The following SNX29 variants were observed in gnomAD, a reference collection of about 807,000 sequenced individuals.
SNX29 encodes sorting nexin-29.
A neutral mutation model predicts 102.1 loss-of-function variants in SNX29; 78 were observed. The ratio of observed to expected loss-of-function variants is 0.76; its 90% CI spans 0.64 to 0.92. SNX29 has a LOEUF of 0.92. SNX29 is among the 40% of genes least tolerant of loss of function. The pLI is 0.00. For synonymous variants in SNX29, 580 were observed against 414.5 expected (o/e 1.40, Z -4.85); for missense variants, 1,280 against 1,061.7 (o/e 1.21, Z -2.86).
chr16:12,162,129 G>A (rs1047978006), intron 13 of SNX29, among the ~76,000 whole-genome samples: 2 of 152,102 alleles, frequency 1.3e-5, no homozygotes, highest in Non-Finnish European at 2.9e-5. Context: ...CACCAGGCTT[G>A]TTCCAACTGG....
At chr16:12,333,894 G>C (rs1357594126) in intron 15 of SNX29, among the ~76,000 whole-genome samples, 3 of 152,166 alleles carry the variant, frequency 2.0e-5, no homozygotes, top group Non-Finnish European at 4.4e-5. Flanking sequence ...AGGTGTGGCT[G>C]CCAGGCAGAT....
At chr16:12,408,922 T>C (rs1167658506) in intron 18 of SNX29, among the ~76,000 whole-genome samples, 2 of 152,242 alleles carry the variant, frequency 1.3e-5, no homozygotes, top group Admixed American at 1.3e-4. Context: ...AATCTGGAAT[T>C]ATATTTGGCA....
At chr16:12,485,070 G>A (rs1321694719) in intron 19 of SNX29, among the ~76,000 whole-genome samples, 1 of 152,212 alleles carries the variant, frequency 6.6e-6, no homozygotes, top group East Asian at 1.9e-4. Context: ...CTGGGTGTTG[G>A]CACACATTCA....
intron 20 of SNX29, among the ~76,000 whole-genome samples, chr16:12,563,232 C>T (rs542045653): frequency 1.1e-3 from 166 of 152,184 alleles, no homozygotes; most frequent in African/African-American, 3.3e-3. Context: ...TGAAAGTGGC[C>T]TCCCCATCAT....
rs17819147 is a variant in SNX29 at position 12,372,250 on chromosome 16, T to C, written c.1899+15971T>C. 5.4e-3 allele frequency among the ~76,000 whole-genome samples: 827 copies of C among 152,244 alleles called. 11 individuals are homozygous for C. The highest frequency in any genetic ancestry group is 0.014 in the Middle Eastern group (4 of 294). On this transcript the variant is annotated intron_variant, in intron 16 of 20. Transcript: ENST00000566228. ...TCTTCAGTCATGAATATATGTCGAC[T>C]TCCTCCTCTTTCACACTCTTCCAAA...
At chr16:12,432,976 G>A (rs1222001067) in intron 18 of SNX29, among the ~76,000 whole-genome samples, 1 of 152,242 alleles carries the variant, frequency 6.6e-6, no homozygotes, top group Non-Finnish European at 1.5e-5. Flanking sequence ...CTGGGCCATG[G>A]CATGGGGGTG....
intron 20 of SNX29, among the ~76,000 whole-genome samples, chr16:12,536,339 C>T (rs949023693): frequency 6.6e-6 from 1 of 151,986 alleles, no homozygotes; most frequent in Non-Finnish European, 1.5e-5. Context: ...CAGCAGGAAA[C>T]AAGCCGTACT....
intron 4 of SNX29, among the ~76,000 whole-genome samples, chr16:12,031,477 C>A (rs1265394172): frequency 6.6e-6 from 1 of 151,972 alleles, no homozygotes; most frequent in Non-Finnish European, 1.5e-5. Flanking sequence ...CAGCTCTCAC[C>A]CAAGCTCCTA....
chr16:12,523,892 T>TTTG (rs2090195206), intron 19 of SNX29, among the ~76,000 whole-genome samples: 1 of 151,954 alleles, frequency 6.6e-6, no homozygotes, highest in African/African-American at 2.4e-5. Context: ...TAGGTTTTTT[T>TTTG]TGTGTGTGTG....
chr16:12,177,035 A>G (rs1044698550), intron 13 of SNX29, among the ~76,000 whole-genome samples: 1 of 151,762 alleles, frequency 6.6e-6, no homozygotes, highest in Non-Finnish European at 1.5e-5. Flanking sequence ...GTAGCTTCCA[A>G]CTCCTGGGAT....
chr16:12,080,093 T>C (rs1045729255), intron 11 of SNX29, among the ~76,000 whole-genome samples: 7 of 152,194 alleles, frequency 4.6e-5, no homozygotes, highest in African/African-American at 1.7e-4. Flanking sequence ...AAATGGGCTC[T>C]TGGTACAAAA....
intron 11 of SNX29, among the ~76,000 whole-genome samples, chr16:12,088,700 C>A (rs1161002803): frequency 1.3e-5 from 2 of 152,232 alleles, no homozygotes; most frequent in Non-Finnish European, 2.9e-5. Flanking sequence ...AATCCCAGCA[C>A]TTTGGGAGGC....
intron 13 of SNX29, among the ~76,000 whole-genome samples, chr16:12,171,208 G>T (rs1301865795): frequency 1.3e-5 from 2 of 152,106 alleles, no homozygotes; most frequent in East Asian, 3.9e-4. Context: ...GCTGCTAATT[G>T]GAGGTTTTAG....
intron 20 of SNX29, among the ~76,000 whole-genome samples, chr16:12,555,821 C>G (rs867671697): frequency 6.6e-6 from 1 of 152,218 alleles, no homozygotes; most frequent in Non-Finnish European, 1.5e-5. Context: ...AAGAAAGGTG[C>G]TCCAGCTGAC....
chr16:12,448,899 C>G (rs889813), intron 18 of SNX29, among the ~76,000 whole-genome samples: 4 of 151,874 alleles, frequency 2.6e-5, no homozygotes, highest in African/African-American at 7.3e-5. Context: ...CTTTGGTTTT[C>G]GCATTCACTA....
intron 13 of SNX29, among the ~76,000 whole-genome samples, chr16:12,173,416 T>A (rs533751393): frequency 6.6e-6 from 1 of 152,362 alleles, no homozygotes; most frequent in South Asian, 2.1e-4. Flanking sequence ...TCTAATGGCA[T>A]GCCTGTGTTT....
At chr16:12,518,898 C>T (rs2089983013) in intron 19 of SNX29, among the ~76,000 whole-genome samples, 1 of 152,172 alleles carries the variant, frequency 6.6e-6, no homozygotes, top group South Asian at 2.1e-4. Flanking sequence ...GGGAATGTCA[C>T]CTTGTGATGT....
chr16:12,123,493 TATCATATACATATAC>T (rs1294683364), intron 11 of SNX29, among the ~76,000 whole-genome samples: 2 of 152,176 alleles, frequency 1.3e-5, no homozygotes, highest in South Asian at 4.1e-4. Flanking sequence ...TATACATATA[TATCATATACATATAC>T]ATCATATACA....
intron 18 of SNX29, among the ~76,000 whole-genome samples, chr16:12,448,687 G>A (rs1367261906): frequency 6.6e-6 from 1 of 152,112 alleles, no homozygotes; most frequent in East Asian, 1.9e-4. Flanking sequence ...ATTCCACCCT[G>A]CTAATTATGG....
Sources: allele counts gnomAD v4.1 joint callset (sites outside exome capture counted in the v4.1 genomes callset), GRCh38; gene constraint gnomAD v4.1.1; transcripts MANE v1.5; gene names NCBI Gene and HGNC (gene_info 2026-07-23, HGNC 2026-07-21).